The following PACS2 variants were observed in gnomAD, a reference collection of about 807,000 sequenced individuals.
PACS2 encodes phosphofurin acidic cluster sorting protein 2, also known as PACS1-like protein.
PACS2 carries 36 observed loss-of-function variants against 113.0 expected under a neutral mutation model. That is an observed-to-expected ratio of 0.32 (90% CI 0.24 to 0.42). The LOEUF is 0.42. PACS2 is among the 10% of genes least tolerant of loss of function. The pLI is 1.00. For synonymous variants in PACS2, 589 were observed against 536.1 expected (o/e 1.10, Z -1.36); for missense variants, 1,015 against 1,239.5 (o/e 0.82, Z 2.72).
intron 1 of PACS2, among the ~76,000 whole-genome samples, chr14:105,305,924 C>T (rs1396014481): frequency 6.6e-6 from 1 of 152,236 alleles, no homozygotes. Flanking sequence ...AAAGAGGACG[C>T]TGGAAACGTG....
chr14:105,312,810 C>T (rs1331094498), upstream of PACS2, among the ~76,000 whole-genome samples: 1 of 152,208 alleles, frequency 6.6e-6, no homozygotes, highest in Non-Finnish European at 1.5e-5. Flanking sequence ...CAAACATAAA[C>T]GTGGTCGCAG....
chr14:105,304,419 C>T (rs745806505), intron 1 of PACS2, among the ~76,000 whole-genome samples: 10 of 152,052 alleles, frequency 6.6e-5, no homozygotes, highest in Admixed American at 1.3e-4. Flanking sequence ...ACCTGGGAGG[C>T]GGGAGTTGTG....
rs1243755424 is a variant in PACS2 at position 105,376,691 on chromosome 14, C to CTCTGGGG, written c.802-73_802-67dup. On this transcript the variant is annotated intron_variant, in intron 8 of 24. Coordinates refer to ENST00000447393, the MANE Select transcript of PACS2 (RefSeq NM_001100913.3). This position sits in a 1 kb window ranked among gnomAD's most constrained non-coding sequence, Gnocchi z 4.7. ...GCCCGCCTCCTATTGCTCCTGCAGA[C>CTCTGGGG]TCTGGGGTCTCGGGCGCCCCCAGTG... is the stretch of plus-strand genomic sequence containing the variant. 6.9e-7 allele frequency: 1 copy of CTCTGGGG among 1,447,732 alleles called. No homozygotes were observed. The highest frequency in any genetic ancestry group is 9.5e-7 in the Non-Finnish European group (1 of 1,050,740). 89.7% of individuals were successfully genotyped at this position (1,447,732 alleles called of 1,614,324 possible). A position where few individuals can be genotyped will look rare whatever the true frequency, so the allele number is the denominator to read the frequency against.
In PACS2 at chr14:105,355,314, G is replaced by A. The variant is rs781857652; in HGVS notation, c.423+137G>A. On this transcript the variant is annotated intron_variant, in intron 4 of 24. Transcript: ENST00000447393. The surrounding 1 kb of genome is among the most constrained non-coding windows in gnomAD (Gnocchi z 4.1). ...TGAAAATGATGAGAGGAGCCTGGGCGGCCGGGCTCCGCCATAAGGGCCAGG... is the reference window on the plus strand; with the variant it reads ...TGAAAATGATGAGAGGAGCCTGGGCAGCCGGGCTCCGCCATAAGGGCCAGG... The A allele has an allele frequency of 4.9e-5, 54 of 1,102,102 alleles. No homozygotes were observed. In the Middle Eastern group the frequency reaches 1.2e-3, roughly 25 times the overall value. 68.3% of individuals were successfully genotyped at this position (1,102,102 alleles called of 1,614,324 possible). A position where few individuals can be genotyped will look rare whatever the true frequency, so the allele number is the denominator to read the frequency against.
intron 19 of PACS2, 90 bp downstream of exon 19, chr14:105,385,807 C>A: frequency 1.3e-6 from 1 of 753,226 alleles, no homozygotes; most frequent in Non-Finnish European, 2.0e-6. Flanking sequence ...AATCACCCCG[C>A]TGTCCTCTCT....
At chr14:105,384,310 C>G (rs1198951617) in intron 16 of PACS2, 43 bp from the exon 17 acceptor site, 1 of 1,218,686 alleles carries the variant, frequency 8.2e-7, no homozygotes, top group African/African-American at 1.5e-5. Context: ...CCTTGCAGCT[C>G]CGAGTCCCCC....
chr14:105,371,224 C>G (rs2141171467), intron 8 of PACS2: 1 of 152,256 alleles, frequency 6.6e-6, no homozygotes, highest in East Asian at 1.9e-4. Context: ...TTGGAACATT[C>G]CCAAGTGCAG....
At chr14:105,306,539 G>A (rs896729937) in intron 1 of PACS2, among the ~76,000 whole-genome samples, 4 of 151,866 alleles carry the variant, frequency 2.6e-5, no homozygotes, top group East Asian at 1.9e-4. Flanking sequence ...TCCTGACCTC[G>A]TGATCTGCCC....
Position 105,348,765 on chromosome 14 carries a change from C to A in PACS2, c.207+185C>A. On this transcript the variant is annotated intron_variant, in intron 2 of 24. Transcript: ENST00000447393. This position sits in a 1 kb window ranked among gnomAD's most constrained non-coding sequence, Gnocchi z 6.4. ...CTCCTGGGTCCAGTCCTGTCCCGCA[C>A]AAGGGAGGCAGGCCCGGCCTTCTGG... 3.4e-6 allele frequency: 2 copies of A among 584,258 alleles called. No homozygotes were observed. The highest frequency in any genetic ancestry group is 3.8e-5 in the South Asian group (2 of 52,688). The allele number at this position is 584,258 out of a possible 1,614,324, so 36.2% of individuals were successfully genotyped here.
Position 105,395,750 on chromosome 14 carries a change from C to T in PACS2, c.*1078C>T, listed in dbSNP as rs1006565347. 4.6e-5 allele frequency: 7 copies of T among 152,318 alleles called. No individual in the cohort carries two copies. Among genetic ancestry groups the T allele is most frequent in the African/African-American group, 9.6e-5 (4 of 41,460 alleles). The allele number at this position is 152,318 out of a possible 1,614,324, so 9.4% of individuals were successfully genotyped here. Reference sequence around the variant, plus strand: ...CCTGGGAGGCTCTCCAGGCCACAGTCCTCAGAGCGTGTTGGGTCCCATGTT... The same window carrying T: ...CCTGGGAGGCTCTCCAGGCCACAGTTCTCAGAGCGTGTTGGGTCCCATGTT... On this transcript the variant is annotated 3_prime_UTR_variant, in exon 25 of 25. Coordinates refer to ENST00000447393, the MANE Select transcript of PACS2 (RefSeq NM_001100913.3).
intron 22 of PACS2, 49 bp from the exon 23 acceptor site, chr14:105,392,570 C>A: frequency 6.7e-7 from 1 of 1,484,846 alleles, no homozygotes; most frequent in Non-Finnish European, 9.2e-7. Context: ...ATGTCCCCAT[C>A]ACTAGGCCCA....
chr14:105,355,501 A>T lies in PACS2; in HGVS notation c.423+324A>T, dbSNP rs782348074. On this transcript the variant is annotated intron_variant, in intron 4 of 24. Coordinates refer to ENST00000447393, the MANE Select transcript of PACS2 (RefSeq NM_001100913.3). This position sits in a 1 kb window ranked among gnomAD's most constrained non-coding sequence, Gnocchi z 4.1. ...GCTCTGGAGTCCTTCCCATGGAGGA[A>T]TCGCTGCTGTCCCCACACCACGGGT... Among the ~76,000 whole-genome samples, 7 of 152,212 alleles carry T rather than the reference A, an allele frequency of 4.6e-5. No individual in the cohort carries two copies. Among genetic ancestry groups the T allele is most frequent in the African/African-American group, 1.7e-4 (7 of 41,456 alleles).
intron 1 of PACS2, among the ~76,000 whole-genome samples, chr14:105,331,025 G>A (rs759215710): frequency 6.6e-6 from 1 of 151,282 alleles, no homozygotes; most frequent in African/African-American, 2.4e-5. Flanking sequence ...GCACAATCTC[G>A]GCTCACTGCA....
At chr14:105,361,401 C>G (rs2060672680) in intron 4 of PACS2, among the ~76,000 whole-genome samples, 1 of 152,222 alleles carries the variant, frequency 6.6e-6, no homozygotes, top group Non-Finnish European at 1.5e-5. Flanking sequence ...CTTTGGCAGG[C>G]CAGGGCGGGT....
chr14:105,392,215 C>T (rs1595190879), intron 22 of PACS2: 1 of 326,326 alleles, frequency 3.1e-6, no homozygotes, highest in Non-Finnish European at 5.7e-6. Context: ...GGCCCTGAGG[C>T]CAGGCGTGGT....
rs143881250 is a variant in PACS2, at chr14:105,365,528, A to G, written c.424-1685A>G. Among the ~76,000 whole-genome samples, 1 of 152,238 alleles carries G rather than the reference A, an allele frequency of 6.6e-6. No individual in the cohort carries two copies. The highest frequency in any genetic ancestry group is 2.4e-5 in the African/African-American group (1 of 41,548). Reference sequence around the variant, plus strand: ...AAAAGCATCTTTGATAAGAGGCCCCATTCCTTCCTGCCCTCCCACCTGAAG... The same window carrying G: ...AAAAGCATCTTTGATAAGAGGCCCCGTTCCTTCCTGCCCTCCCACCTGAAG... On this transcript the variant is annotated intron_variant, in intron 4 of 24. Transcript: ENST00000447393. This position sits in a 1 kb window ranked among gnomAD's most constrained non-coding sequence, Gnocchi z 5.1.
In PACS2 at chr14:105,396,025, G is replaced by A. The variant is rs2081519114; in HGVS notation, c.*1353G>A. The A allele has an allele frequency of 6.6e-6, 1 of 152,264 alleles. No individual in the cohort carries two copies. The highest frequency in any genetic ancestry group is 1.5e-5 in the Non-Finnish European group (1 of 68,066). 9.4% of individuals were successfully genotyped at this position (152,264 alleles called of 1,614,324 possible). ...CAGGGTGGGCCTCGAGCCGGGGCTG[G>A]AGGGGTCTCCACCCTTGCTGGCCTG... On this transcript the variant is annotated 3_prime_UTR_variant, in exon 25 of 25. Coordinates refer to ENST00000447393, the MANE Select transcript of PACS2 (RefSeq NM_001100913.3).
In PACS2 at chr14:105,385,007, C is replaced by T. The variant is rs1248356351; in HGVS notation, c.2000+20C>T. 2.9e-5 allele frequency: 41 copies of T among 1,414,186 alleles called. No individual in the cohort carries two copies. The highest frequency in any genetic ancestry group is 3.8e-5 in the Non-Finnish European group (39 of 1,021,996). 87.6% of individuals were successfully genotyped at this position (1,414,186 alleles called of 1,614,324 possible). On this transcript the variant is annotated intron_variant, in intron 18 of 24. Transcript: ENST00000447393. ...GAAGAGGTAACGCGGTGGGCCCAGGCACCATACCACAGGCTGCCGCCAGCC... is the reference window on the plus strand; with the variant it reads ...GAAGAGGTAACGCGGTGGGCCCAGGTACCATACCACAGGCTGCCGCCAGCC...
intron 15 of PACS2, 78 bp downstream of exon 15, chr14:105,382,991 C>A: frequency 2.3e-6 from 2 of 862,766 alleles, no homozygotes; most frequent in Non-Finnish European, 3.8e-6. Context: ...CCCATTGCTC[C>A]GGGGCTAGGT....
Sources: allele counts gnomAD v4.1 joint callset (sites outside exome capture counted in the v4.1 genomes callset), GRCh38; gene constraint gnomAD v4.1.1; non-coding constraint Gnocchi (gnomAD v3.1); transcripts MANE v1.5; gene names NCBI Gene and HGNC (gene_info 2026-07-23, HGNC 2026-07-21).